Variants in ARHGEF12 observed in about 807,000 individuals in gnomAD.
ARHGEF12 encodes Rho guanine nucleotide exchange factor 12, also known as KMT2A/ARHGEF12 fusion protein.
In ARHGEF12, 66 loss-of-function variants were observed where a neutral mutation model predicts 211.2. The ratio of observed to expected loss-of-function variants is 0.31; its 90% CI spans 0.26 to 0.38. The LOEUF (loss-of-function observed/expected upper bound fraction) is 0.38. Ranked by LOEUF, ARHGEF12 falls within the 10% of genes least tolerant of loss-of-function variation. The probability of loss-of-function intolerance (pLI) is 1.00; values close to 1 mark genes in which losing one functional copy is unlikely to be tolerated. For synonymous variants in ARHGEF12, 592 were observed against 638.4 expected (o/e 0.93, Z 1.09); for missense variants, 1,429 against 1,869.5 (o/e 0.76, Z 4.34).
intron 1 of ARHGEF12, among the ~76,000 whole-genome samples, chr11:120,388,138 G>A (rs546969886): frequency 6.6e-6 from 1 of 151,978 alleles, no homozygotes; most frequent in Non-Finnish European, 1.5e-5. Flanking sequence ...CTTGTCTTTG[G>A]TCCTTATAGA....
intron 15 of ARHGEF12, 126 bp downstream of exon 15, chr11:120,442,328 A>G (rs1328184387): frequency 9.9e-6 from 6 of 607,628 alleles, no homozygotes; most frequent in Non-Finnish European, 1.6e-5. Flanking sequence ...TTATATTTCA[A>G]TTATTGATTA....
intron 1 of ARHGEF12, among the ~76,000 whole-genome samples, chr11:120,351,693 A>G (rs1156271375): frequency 6.6e-6 from 1 of 151,246 alleles, no homozygotes; most frequent in African/African-American, 2.4e-5. Context: ...CTGGTCTCGA[A>G]CTCCTGACCT....
chr11:120,415,066 T>G (rs1944990078), intron 4 of ARHGEF12, among the ~76,000 whole-genome samples: 1 of 152,176 alleles, frequency 6.6e-6, no homozygotes, highest in Non-Finnish European at 1.5e-5. Flanking sequence ...GAAGTTATGA[T>G]TAATAATCTT....
rs1946132874 is a variant in ARHGEF12, at chr11:120,449,202, G to C, written c.1831G>C (p.Asp611His). ...LGPPRRPSRHDNSAIGRAMEL... is the reference protein window; with the variant it reads ...LGPPRRPSRHHNSAIGRAMEL... Reference sequence around the variant, plus strand: ...ACCCCCACGGAGACCAAGCCGTCATGACAACAGTGCAAGTATGTTGAAGTT... The same window carrying C: ...ACCCCCACGGAGACCAAGCCGTCATCACAACAGTGCAAGTATGTTGAAGTT... The change falls in exon 21 of 41, where the codon GAC becomes CAC. Residue 611 changes from aspartate to histidine, a missense_variant. Coordinates refer to ENST00000397843, the MANE Select transcript of ARHGEF12 (RefSeq NM_015313.3). 6.2e-7 allele frequency: 1 copy of C among 1,613,934 alleles called. No homozygotes were observed. The highest frequency in any genetic ancestry group is 8.5e-7 in the Non-Finnish European group (1 of 1,179,944).
intron 1 of ARHGEF12, among the ~76,000 whole-genome samples, chr11:120,399,348 A>AAAAAAAAAAAG: frequency 6.7e-6 from 1 of 149,144 alleles, no homozygotes; most frequent in South Asian, 2.2e-4. Context: ...AAAAAAAAAA[A>AAAAAAAAAAAG]AAAGAAAAGA....
intron 1 of ARHGEF12, among the ~76,000 whole-genome samples, chr11:120,360,322 T>C (rs1315575454): frequency 6.6e-6 from 1 of 152,236 alleles, no homozygotes; most frequent in Non-Finnish European, 1.5e-5. Flanking sequence ...ACTACTTTAG[T>C]GATTTGCCAT....
intron 11 of ARHGEF12, among the ~76,000 whole-genome samples, chr11:120,434,495 A>C (rs967342651): frequency 6.6e-6 from 1 of 152,168 alleles, no homozygotes; most frequent in Admixed American, 6.5e-5. Flanking sequence ...ATGGATTTCC[A>C]TGTTTGTTTC....
intron 1 of ARHGEF12, among the ~76,000 whole-genome samples, chr11:120,371,715 T>C (rs2135412399): frequency 6.6e-6 from 1 of 152,298 alleles, no homozygotes; most frequent in East Asian, 1.9e-4. Flanking sequence ...AATACAGCCA[T>C]TGTAATTAAG....
Position 120,484,573 on chromosome 11 carries a change from A to G in ARHGEF12, c.4624+66A>G, listed in dbSNP as rs564153612. ...CCTACACTGAATGAAATGACTTATC[A>G]TACTTTGAAGTGAAAACCTTCTGAG... is the stretch of plus-strand genomic sequence containing the variant. On this transcript the variant is annotated intron_variant, in intron 40 of 40. Transcript: ENST00000397843. 4.3e-6 allele frequency: 6 copies of G among 1,394,304 alleles called. No individual in the cohort carries two copies. The East Asian group carries it at 1.2e-4, about 27-fold the overall frequency. 86.4% of individuals were successfully genotyped at this position (1,394,304 alleles called of 1,614,324 possible). A position where few individuals can be genotyped will look rare whatever the true frequency, so the allele number is the denominator to read the frequency against.
At chr11:120,458,863 TG>T (rs143301744) in intron 25 of ARHGEF12, 4,279 of 174,994 alleles carry the variant, frequency 0.024, 69 homozygotes, top group Non-Finnish European at 0.037. Context: ...TATATGATGT[TG>T]GGGCTTACAG....
At chr11:120,360,137 A>G (rs569311402) in intron 1 of ARHGEF12, among the ~76,000 whole-genome samples, 1 of 152,122 alleles carries the variant, frequency 6.6e-6, no homozygotes, top group Non-Finnish European at 1.5e-5. Flanking sequence ...TATGGATACT[A>G]AAGTGGACAT....
At chr11:120,476,798 C>G (rs755197361) in intron 34 of ARHGEF12, 50 bp downstream of exon 34, 1 of 1,398,990 alleles carries the variant, frequency 7.1e-7, no homozygotes. Context: ...TTCATTATCC[C>G]AAGCGTAATA....
At chr11:120,442,427 T>TACACACAC (rs59268139) in intron 15 of ARHGEF12, among the ~76,000 whole-genome samples, 1 of 144,004 alleles carries the variant, frequency 6.9e-6, no homozygotes, top group African/African-American at 2.6e-5. Context: ...TATATATATA[T>TACACACAC]ACACACACAC....
intron 1 of ARHGEF12, among the ~76,000 whole-genome samples, chr11:120,346,798 G>A (rs900461631): frequency 2.0e-5 from 3 of 152,112 alleles, no homozygotes; most frequent in Admixed American, 6.5e-5. Context: ...GTTAATGTAC[G>A]GACAATCTTG....
intron 1 of ARHGEF12, among the ~76,000 whole-genome samples, chr11:120,348,260 C>T (rs1942828174): frequency 6.6e-6 from 1 of 152,080 alleles, no homozygotes; most frequent in African/African-American, 2.4e-5. Flanking sequence ...ACAATATAGT[C>T]TATTTAAAAT....
At chr11:120,441,571 T>C in intron 13 of ARHGEF12, 136 bp from the exon 14 acceptor site, 1 of 618,734 alleles carries the variant, frequency 1.6e-6, no homozygotes, top group Non-Finnish European at 2.8e-6. Context: ...TAATAAATTT[T>C]AGTGAAGTTT....
chr11:120,386,686 A>G (rs913752884), intron 1 of ARHGEF12, among the ~76,000 whole-genome samples: 2 of 152,144 alleles, frequency 1.3e-5, no homozygotes, highest in African/African-American at 4.8e-5. Flanking sequence ...AGTGTTATAT[A>G]TTTATGTACT....
chr11:120,481,504 C>A lies in ARHGEF12; in HGVS notation c.4482C>A (p.Ser1494=). Residue 1494 remains serine, a synonymous_variant, in exon 39 of 41, where the codon TCC becomes TCA. Transcript: ENST00000397843. The part of the protein sequence containing the change: ...EYSCFEIQSP[S]SCADSQSQIM... ...CCTGTTTTGAGATCCAGAGTCCCTC[C>A]TCTTGTGCAGATTCACAGAGCCAGA... The A allele has an allele frequency of 1.2e-6, 2 of 1,614,234 alleles. No homozygotes were observed. The highest frequency in any genetic ancestry group is 2.2e-5 in the South Asian group (2 of 91,082).
Position 120,480,423 on chromosome 11 carries a change from C to T in ARHGEF12, c.4230C>T (p.Arg1410=). The change falls in exon 38 of 41, where the codon CGC becomes CGT. Residue 1410 remains arginine (R), a synonymous_variant. Transcript: ENST00000397843. ...AGGAAGAGAAGGATGTTAATTTACG[C>T]ATCTCAGGCAAGTATCTTTCACACT... ...VNKEEKDVNL[R]ISGNYLILDG... 1.2e-6 allele frequency: 2 copies of T among 1,605,066 alleles called. No homozygotes were observed. The highest frequency in any genetic ancestry group is 1.7e-6 in the Non-Finnish European group (2 of 1,174,864).
Sources: allele counts gnomAD v4.1 joint callset (sites outside exome capture counted in the v4.1 genomes callset), GRCh38; gene constraint gnomAD v4.1.1; transcripts MANE v1.5; gene names NCBI Gene and HGNC (gene_info 2026-07-23, HGNC 2026-07-21).